Variants in ISM1 observed in about 807,000 individuals in gnomAD.
ISM1 encodes isthmin 1.
In ISM1, 25 loss-of-function variants were observed where a neutral mutation model predicts 46.3. That is an observed-to-expected ratio of 0.54 (90% CI 0.39 to 0.75). The LOEUF (loss-of-function observed/expected upper bound fraction) is 0.75, where lower values mean the gene tolerates loss of function less well. ISM1 is among the 30% of genes least tolerant of loss of function. The pLI is 0.00. For missense variants in ISM1, 536 were observed against 625.4 expected (o/e 0.86, Z 1.52); for synonymous variants, 255 against 256.7 (o/e 0.99, Z 0.06).
the ISM1 span, among the ~76,000 whole-genome samples, chr20:13,322,131 C>T: frequency 2.0e-5 from 3 of 152,080 alleles, no homozygotes; most frequent in African/African-American, 7.2e-5. Context: ...TTTTTAATGT[C>T]GTAAAGAGAT....
At chr20:13,294,310 C>T (rs2040385567) in intron 5 of ISM1, among the ~76,000 whole-genome samples, 1 of 152,208 alleles carries the variant, frequency 6.6e-6, no homozygotes, top group Non-Finnish European at 1.5e-5. Flanking sequence ...TCCCTCCAAT[C>T]CCTTCACACA....
At position 13,299,385 on chromosome 20, in the gene ISM1, A is replaced by G; in HGVS notation, c.1321A>G (p.Asn441Asp). The change falls in exon 6 of 6, where the codon AAC (asparagine) becomes GAC (aspartate). Residue 441 changes from asparagine to aspartate, a missense_variant. Around this residue, in one of 2 missense-constraint regions of ISM1, gnomAD observed 169 missense variants for 249.3 expected, o/e 0.68. Transcript: ENST00000262487. The surrounding 1 kb of genome is among the most constrained non-coding windows in gnomAD (Gnocchi z 5.8). ...GTATAACGAGGCCCGGCCTCCCAAC[A>G]ACGGACAGAAGTGCACAGAGAGCCC... is the stretch of plus-strand genomic sequence containing the variant. ...SRYNEARPPN[N>D]GQKCTESPSD... 1 of 1,613,480 alleles carries G rather than the reference A, an allele frequency of 6.2e-7. No individual in the cohort carries two copies. The highest frequency in any genetic ancestry group is 8.5e-7 in the Non-Finnish European group (1 of 1,179,876).
chr20:13,252,647 C>T (rs1247407743), intron 1 of ISM1, among the ~76,000 whole-genome samples: 7 of 151,980 alleles, frequency 4.6e-5, no homozygotes, highest in Non-Finnish European at 1.0e-4. Flanking sequence ...CCCAGATACT[C>T]AGGAGGCTGA....
At chr20:13,249,063 G>C (rs917947995) in intron 1 of ISM1, among the ~76,000 whole-genome samples, 1 of 152,194 alleles carries the variant, frequency 6.6e-6, no homozygotes, top group African/African-American at 2.4e-5. Context: ...CAGGAGCCCT[G>C]CAAAGAACCT....
intron 1 of ISM1, among the ~76,000 whole-genome samples, chr20:13,225,187 G>T (rs1014943941): frequency 6.6e-5 from 10 of 151,962 alleles, no homozygotes; most frequent in Non-Finnish European, 8.8e-5. Flanking sequence ...AAAAATCCCG[G>T]GAATTAGGTG....
chr20:13,225,011 A>AT (rs1568659561), intron 1 of ISM1, among the ~76,000 whole-genome samples: 1 of 132,260 alleles, frequency 7.6e-6, no homozygotes, highest in Non-Finnish European at 1.7e-5. Flanking sequence ...ACGCCCGGCT[A>AT]ATTTTTTTTT....
At chr20:13,244,379 G>T in intron 1 of ISM1, 1 of 129,052 alleles carries the variant, frequency 7.7e-6, no homozygotes. Flanking sequence ...TGTAGAAGAT[G>T]TCCTATGCAA....
chr20:13,228,026 G>C (rs1385368685), intron 1 of ISM1, among the ~76,000 whole-genome samples: 1 of 145,424 alleles, frequency 6.9e-6, no homozygotes, highest in African/African-American at 2.6e-5. Flanking sequence ...GTCCAGGAGT[G>C]CAGTGGTGTG....
the ISM1 span, among the ~76,000 whole-genome samples, chr20:13,312,351 C>T: frequency 1.3e-5 from 2 of 152,120 alleles, no homozygotes; most frequent in African/African-American, 2.4e-5. Context: ...ATGGAAATGT[C>T]GTGGGTGAGA....
At chr20:13,323,585 A>G in the ISM1 span, among the ~76,000 whole-genome samples, 9 of 152,226 alleles carry the variant, frequency 5.9e-5, no homozygotes, top group Admixed American at 2.0e-4. Context: ...TTTGTTAGGC[A>G]ACATATAGTA....
At chr20:13,320,750 T>C in the ISM1 span, among the ~76,000 whole-genome samples, 1 of 152,122 alleles carries the variant, frequency 6.6e-6, no homozygotes. Flanking sequence ...AAGATGACTG[T>C]CCAAGCTCTA....
intron 1 of ISM1, among the ~76,000 whole-genome samples, chr20:13,262,322 C>CT (rs1315340925): frequency 6.6e-6 from 1 of 152,174 alleles, no homozygotes; most frequent in East Asian, 1.9e-4. Flanking sequence ...GATAGAAAGC[C>CT]TTGCCCTTAA....
chr20:13,256,599 T>C (rs888676457), intron 1 of ISM1, among the ~76,000 whole-genome samples: 2 of 152,160 alleles, frequency 1.3e-5, no homozygotes, highest in Non-Finnish European at 2.9e-5. Context: ...ACTGACCACG[T>C]CTTCCATCCT....
chr20:13,231,844 A>G (rs77740552), intron 1 of ISM1, among the ~76,000 whole-genome samples: 5,396 of 152,258 alleles, frequency 0.035, 272 homozygotes, highest in African/African-American at 0.11. Flanking sequence ...CCAATCACCA[A>G]ATATTCAAGA....
At chr20:13,322,237 C>G in the ISM1 span, among the ~76,000 whole-genome samples, 4 of 152,214 alleles carry the variant, frequency 2.6e-5, no homozygotes, top group African/African-American at 9.6e-5. Flanking sequence ...AAGTGCTGTA[C>G]TCCCAAGAGT....
intron 1 of ISM1, among the ~76,000 whole-genome samples, chr20:13,247,136 CA>C (rs973402652): frequency 1.3e-5 from 2 of 151,978 alleles, no homozygotes; most frequent in African/African-American, 4.8e-5. Context: ...GAGGCTGAGG[CA>C]GGAGAATCAC....
chr20:13,238,003 A>G (rs1271850788), intron 1 of ISM1: 5 of 152,166 alleles, frequency 3.3e-5, no homozygotes, highest in Non-Finnish European at 7.3e-5. Context: ...TTACTGCTTG[A>G]CTTCATTCCC....
intron 1 of ISM1, among the ~76,000 whole-genome samples, chr20:13,254,674 C>T (rs1449637618): frequency 2.0e-5 from 3 of 152,202 alleles, no homozygotes; most frequent in African/African-American, 7.2e-5. Flanking sequence ...CATGATATCA[C>T]TCAGAGGCAG....
At chr20:13,297,666 C>A (rs572051024) in intron 5 of ISM1, among the ~76,000 whole-genome samples, 1 of 152,354 alleles carries the variant, frequency 6.6e-6, no homozygotes, top group South Asian at 2.1e-4. Context: ...CACCTGTTCA[C>A]AGGATCAGTT....
Sources: allele counts gnomAD v4.1 joint callset (sites outside exome capture counted in the v4.1 genomes callset), GRCh38; gene constraint gnomAD v4.1.1; regional missense constraint gnomAD v4.1.1; non-coding constraint Gnocchi (gnomAD v3.1); transcripts MANE v1.5; gene names NCBI Gene and HGNC (gene_info 2026-07-23, HGNC 2026-07-21).